KLHL35: variants seen among roughly 807,000 people sequenced by gnomAD.
KLHL35 encodes the protein kelch like family member 35.
In KLHL35, 50 loss-of-function variants were observed where a neutral mutation model predicts 44.0. The observed-to-expected ratio is 1.14, with a 90% CI of 0.91 to 1.44. The LOEUF (loss-of-function observed/expected upper bound fraction) is 1.44, where lower values mean the gene tolerates loss of function less well. Among genes scored for constraint, KLHL35 ranks in the 40% most tolerant of loss-of-function variants. KLHL35 has a pLI of 0.00. For synonymous variants in KLHL35, 470 were observed against 410.4 expected (o/e 1.15, Z -1.76); for missense variants, 1,049 against 887.8 (o/e 1.18, Z -2.31).
At chr11:75,427,272 C>T (rs1464308591) in intron 3 of KLHL35, among the ~76,000 whole-genome samples, 2 of 152,186 alleles carry the variant, frequency 1.3e-5, no homozygotes, top group Non-Finnish European at 2.9e-5. Flanking sequence ...ATTGGTGCTG[C>T]TGGAGGACAT....
Position 75,430,369 on chromosome 11 carries a change from TACTGGCACC to T in KLHL35, c.252_260del (p.Val85_Val87del), listed in dbSNP as rs974416864. On this transcript the variant is annotated inframe_deletion, in exon 2 of 7. Coordinates refer to ENST00000539798, the MANE Select transcript of KLHL35 (RefSeq NM_001039548.3). ...GGCTCGTGCCTGGCGCCTCGGGAGC[TACTGGCACC>T]ACTGGCACCACGGCCGGGCCGCGCT... The T allele has an allele frequency of 2.0e-4, 265 of 1,349,736 alleles. No individual in the cohort carries two copies. The highest frequency in any genetic ancestry group is 2.2e-4 in the Non-Finnish European group (227 of 1,048,474). 83.6% of individuals were successfully genotyped at this position (1,349,736 alleles called of 1,614,324 possible).
Position 75,430,551 on chromosome 11 carries a change from C to T in KLHL35, c.79G>A (p.Val27Met), listed in dbSNP as rs937267501. 6 of 1,457,216 alleles carry T rather than the reference C, an allele frequency of 4.1e-6. No homozygotes were observed. In the Admixed American group the frequency reaches 7.6e-5, roughly 18 times the overall value. The allele number at this position is 1,457,216 out of a possible 1,614,324, so 90.3% of individuals were successfully genotyped here. A position where few individuals can be genotyped will look rare whatever the true frequency, so the allele number is the denominator to read the frequency against. Residue 27 changes from valine (V) to methionine (M), a missense_variant, in exon 2 of 7, where the codon GTG becomes ATG. Coordinates refer to ENST00000539798, the MANE Select transcript of KLHL35 (RefSeq NM_001039548.3). Reference protein sequence around the residue: ...PCAGPCHAQRVLQALNAYRRS... With the variant: ...PCAGPCHAQRMLQALNAYRRS... ...CGGTAGGCGTTCAGGGCCTGCAGCA[C>T]GCGCTGCGCGTGGCACGGACCCGCG...
intron 2 of KLHL35, 46 bp from the exon 3 acceptor site, chr11:75,428,672 CGGCCCT>C: frequency 6.6e-7 from 1 of 1,507,042 alleles, no homozygotes; most frequent in Non-Finnish European, 8.9e-7. Flanking sequence ...CACCCAAGTT[CGGCCCT>C]CTCTTACCCT....
chr11:75,432,501 G>T (rs889735135), intron 1 of KLHL35, among the ~76,000 whole-genome samples: 1 of 152,204 alleles, frequency 6.6e-6, no homozygotes, highest in African/African-American at 2.4e-5. Context: ...CAACCAGTCT[G>T]TCCTCCACTG....
chr11:75,426,886 C>T lies in KLHL35; in HGVS notation c.1067-248G>A, dbSNP rs189407572. ...TCAGGAAGAAGGGGCTGGTTTTCGCCGGGCACCTTGTGGTGGTGGTGGTGG... is the reference window on the plus strand; with the variant it reads ...TCAGGAAGAAGGGGCTGGTTTTCGCTGGGCACCTTGTGGTGGTGGTGGTGG... On this transcript the variant is annotated intron_variant, in intron 3 of 6. Coordinates refer to ENST00000539798, the MANE Select transcript of KLHL35 (RefSeq NM_001039548.3). The T allele has an allele frequency of 1.1e-3, 399 of 367,798 alleles. 1 individual carries two copies. Among genetic ancestry groups the T allele is most frequent in the African/African-American group, 6.9e-3 (342 of 49,228 alleles). The allele number at this position is 367,798 out of a possible 1,614,324, so 22.8% of individuals were successfully genotyped here. A position where few individuals can be genotyped will look rare whatever the true frequency, so the allele number is the denominator to read the frequency against.
Position 75,423,873 on chromosome 11 carries a change from C to A in KLHL35, c.1382G>T (p.Cys461Phe). 1 of 1,612,378 alleles carries A rather than the reference C, an allele frequency of 6.2e-7. No homozygotes were observed. Among genetic ancestry groups the A allele is most frequent in the Non-Finnish European group, 8.5e-7 (1 of 1,178,968 alleles). The change falls in exon 6 of 7, where the codon TGC becomes TTC. Residue 461 changes from cysteine (C) to phenylalanine (F), a missense_variant. Coordinates refer to ENST00000539798, the MANE Select transcript of KLHL35 (RefSeq NM_001039548.3). Reference protein sequence around the residue: ...QGGVNTDKVQCFDPKEDRWSL... With the variant: ...QGGVNTDKVQFFDPKEDRWSL... Reference sequence around the variant, plus strand: ...CCACCGGTCCTCCTTGGGGTCAAAGCACTGCACCTGAGGGGCAAGAGCAGC... The same window carrying A: ...CCACCGGTCCTCCTTGGGGTCAAAGAACTGCACCTGAGGGGCAAGAGCAGC...
Position 75,429,746 on chromosome 11 carries a change from T to C in KLHL35, c.881+3A>G. On this transcript the variant is annotated splice_donor_region_variant and intron_variant, in intron 2 of 6. Transcript: ENST00000539798. The stretch of plus-strand genomic sequence containing the variant: ...GCGGGAAGCTAGGGGATGGCGGCCC[T>C]ACCTCCGCGGCCGGGTCCGCAGCGC... The C allele has an allele frequency of 6.9e-7, 1 of 1,455,468 alleles. No homozygotes were observed. Among genetic ancestry groups the C allele is most frequent in the Non-Finnish European group, 9.0e-7 (1 of 1,111,270 alleles). 90.2% of individuals were successfully genotyped at this position (1,455,468 alleles called of 1,614,324 possible). A position where few individuals can be genotyped will look rare whatever the true frequency, so the allele number is the denominator to read the frequency against.
intron 5 of KLHL35, 32 bp from the exon 6 acceptor site, chr11:75,423,912 C>G: frequency 6.6e-7 from 1 of 1,520,434 alleles, no homozygotes; most frequent in Non-Finnish European, 8.9e-7. Context: ...GGTGAAGACT[C>G]ACCGCCCCCC....
chr11:75,423,916 G>C, intron 5 of KLHL35, 36 bp from the exon 6 acceptor site: 1 of 1,482,578 alleles, frequency 6.7e-7, no homozygotes. Flanking sequence ...AAGACTCACC[G>C]CCCCCCCCAA....
At position 75,428,493 on chromosome 11, in the gene KLHL35, T is replaced by C; in HGVS notation, c.1015A>G (p.Thr339Ala). 1 of 1,612,548 alleles carries C rather than the reference T, an allele frequency of 6.2e-7. No individual in the cohort carries two copies. The highest frequency in any genetic ancestry group is 8.5e-7 in the Non-Finnish European group (1 of 1,179,850). ...GCACAGGCGGCGAATTCTGAGCGAG[T>C]GTAGCCGGGCAGGCTGGGCAGTGGG... Reference protein sequence around the residue: ...WTPLPSLPGYTRSEFAACALR... With the variant: ...WTPLPSLPGYARSEFAACALR... Residue 339 changes from threonine to alanine, a missense_variant, in exon 3 of 7, where the codon ACT (threonine) becomes GCT (alanine). Physicochemically the swap from Thr to Ala is moderately conservative, Grantham distance 58. Coordinates refer to ENST00000539798, the MANE Select transcript of KLHL35 (RefSeq NM_001039548.3).
At chr11:75,423,032 A>G in intron 6 of KLHL35, 2 of 501,914 alleles carry the variant, frequency 4.0e-6, no homozygotes, top group Non-Finnish European at 7.2e-6. Context: ...CCTTCTTCAC[A>G]GGGTTCCCTT....
intron 3 of KLHL35, 108 bp downstream of exon 3, chr11:75,428,334 A>AG (rs1948506948): frequency 7.7e-7 from 1 of 1,304,522 alleles, no homozygotes; most frequent in Non-Finnish European, 1.0e-6. Flanking sequence ...GTAGGTTATC[A>AG]GAAAACATCC....
Position 75,430,765 on chromosome 11 carries a change from C to T in KLHL35, c.-1-135G>A, listed in dbSNP as rs912674376. 3 of 777,584 alleles carry T rather than the reference C, an allele frequency of 3.9e-6. No individual in the cohort carries two copies. The African/African-American group carries it at 5.4e-5, about 14-fold the overall frequency. The allele number at this position is 777,584 out of a possible 1,614,324, so 48.2% of individuals were successfully genotyped here. On this transcript the variant is annotated intron_variant, in intron 1 of 6. Coordinates refer to ENST00000539798, the MANE Select transcript of KLHL35 (RefSeq NM_001039548.3). ...CTCCCCTCCGTTCAGCATCCAGGTT[C>T]CTTACGGCTACAGTGCCCCAGCCCC... is the stretch of plus-strand genomic sequence containing the variant.
Position 75,425,416 on chromosome 11 carries a change from G to A in KLHL35, c.1351C>T (p.Gln451Ter), listed in dbSNP as rs768819387. 9.0e-6 allele frequency: 14 copies of A among 1,561,858 alleles called. No individual in the cohort carries two copies. The highest frequency in any genetic ancestry group is 1.2e-5 in the Non-Finnish European group (14 of 1,161,064). ...ACCTTGTCCGTGTTGACGCCGCCCT[G>A]CCTGGCGCCCCCAATCACGAAGAGC... Reference protein sequence around the residue: ...GKLFVIGGARQGGVNTDKVQC... With the variant: ...GKLFVIGGAR Residue 451 changes from glutamine (Q) to a stop codon, truncating the protein, a stop_gained, in exon 5 of 7, where the codon CAG becomes TAG. Coordinates refer to ENST00000539798, the MANE Select transcript of KLHL35 (RefSeq NM_001039548.3). LOFTEE classifies it high-confidence loss of function.
intron 4 of KLHL35, chr11:75,425,836 C>T (rs376242974): frequency 2.5e-6 from 1 of 394,568 alleles, no homozygotes; most frequent in South Asian, 1.3e-4. Context: ...CTGTAAAATA[C>T]CTGGCACCAA....
rs1438292232 is a variant in KLHL35, at chr11:75,429,874, G to A, written c.756C>T (p.Phe252=). 1.3e-6 allele frequency: 2 copies of A among 1,520,866 alleles called. No individual in the cohort carries two copies. The highest frequency in any genetic ancestry group is 5.5e-5 in the East Asian group (2 of 36,540). 94.2% of individuals were successfully genotyped at this position (1,520,866 alleles called of 1,614,324 possible). ...GCTCGTCCGCCTCCACCTTCTCCAG[G>A]AAGTAAGCGGGCGCCAGTAGCGGCA... ...VRLPLLAPAY[F]LEKVEADELL... Residue 252 remains phenylalanine (F), a synonymous_variant, in exon 2 of 7, where the codon TTC becomes TTT. Coordinates refer to ENST00000539798, the MANE Select transcript of KLHL35 (RefSeq NM_001039548.3).
chr11:75,432,455 GTGGAAGGAAGTGAGACCGGTCA>G (rs1209364862), intron 1 of KLHL35, among the ~76,000 whole-genome samples: 2 of 152,200 alleles, frequency 1.3e-5, no homozygotes, highest in East Asian at 3.8e-4. Context: ...GCCAGGACCG[GTGGAAGGAAGTGAGACCGGTCA>G]TCACAGCACG....
At position 75,433,131 on chromosome 11, in the gene KLHL35, C is replaced by G. The variant is rs555899273; in HGVS notation, c.-90G>C. ...GCCTGCCGCCCGCACCCCTGGCAGC[C>G]CAAGCTCCAGTGTTCATGCTGCTCT... is the stretch of plus-strand genomic sequence containing the variant. On this transcript the variant is annotated 5_prime_UTR_variant, in exon 1 of 7. Transcript: ENST00000539798. Among the ~76,000 whole-genome samples, 82 of 152,280 alleles carry G rather than the reference C, an allele frequency of 5.4e-4. No individual in the cohort carries two copies. Among genetic ancestry groups the G allele is most frequent in the African/African-American group, 1.8e-3 (76 of 41,548 alleles).
chr11:75,424,054 C>A, intron 5 of KLHL35, 174 bp from the exon 6 acceptor site: 1 of 596,552 alleles, frequency 1.7e-6, no homozygotes. Flanking sequence ...CGTCCCTGCC[C>A]TCAAGGGCTC....
Sources: gnomAD v4.1 joint callset for allele counts (sites outside exome capture counted in the v4.1 genomes callset) on GRCh38, gnomAD v4.1.1 for gene constraint, MANE v1.5 for transcripts, NCBI Gene and HGNC (gene_info 2026-07-23, HGNC 2026-07-21) for gene names.